DCHS2: variants seen among roughly 807,000 people sequenced by gnomAD.
The protein encoded by DCHS2 is dachsous cadherin-related 2, also known as protocadherin-23.
A neutral mutation model predicts 182.4 loss-of-function variants in DCHS2; 142 were observed. The ratio of observed to expected loss-of-function variants is 0.78; its 90% CI spans 0.68 to 0.89. The LOEUF (loss-of-function observed/expected upper bound fraction) is 0.89. DCHS2 is among the 40% of genes least tolerant of loss of function. DCHS2 has a pLI of 0.00. For synonymous variants in DCHS2, 1,740 were observed against 1,663.3 expected (o/e 1.05, Z -1.12); for missense variants, 4,319 against 4,198.6 (o/e 1.03, Z -0.79).
rs200613570 is a variant in DCHS2, at chr4:154,465,508, A to C, written c.2052+23796T>G. On this transcript the variant is annotated intron_variant, in intron 1 of 19. Transcript: ENST00000357232. The stretch of plus-strand genomic sequence containing the variant: ...ACATCGTGAAACCCTGTCTCTACTA[A>C]AAATGCAAAAATTAGCCAGGCATGG... Among the ~76,000 whole-genome samples the C allele has an allele frequency of 5.3e-5, 8 of 152,200 alleles. No individual in the cohort carries two copies. The East Asian group carries it at 1.4e-3, about 26-fold the overall frequency.
chr4:154,237,432 T>A, intron 19 of DCHS2: 1 of 324,880 alleles, frequency 3.1e-6, no homozygotes, highest in Non-Finnish European at 5.2e-6. Flanking sequence ...CTGAATTTTG[T>A]TTTTGTATAG....
chr4:154,237,071 A>G lies in DCHS2; in HGVS notation c.7581T>C (p.Pro2527=). The G allele has an allele frequency of 6.2e-7, 1 of 1,613,930 alleles. No homozygotes were observed. Among genetic ancestry groups the G allele is most frequent in the South Asian group, 1.1e-5 (1 of 91,074 alleles). ...FLVEASDGGN[P]DLRALTLVEI... is the part of the protein sequence containing the mutation. Reference sequence around the variant, plus strand: ...CCACTAAAGTAAGAGCTCTCAGGTCAGGATTTCCACCATCACTGGCTTCCA... The same window carrying G: ...CCACTAAAGTAAGAGCTCTCAGGTCGGGATTTCCACCATCACTGGCTTCCA... Residue 2527 remains proline, a synonymous_variant, in exon 20 of 20, where the codon CCT becomes CCC. Transcript: ENST00000357232.
intron 15 of DCHS2, 107 bp from the exon 16 acceptor site, chr4:154,255,777 T>C (rs905020472): frequency 3.6e-6 from 5 of 1,398,732 alleles, no homozygotes; most frequent in Non-Finnish European, 4.7e-6. Context: ...GTCAAACATA[T>C]TTTAAAAACA....
chr4:154,305,375 A>C, intron 10 of DCHS2, 144 bp from the exon 11 acceptor site: 1 of 1,113,944 alleles, frequency 9.0e-7, no homozygotes, highest in Non-Finnish European at 1.2e-6. Flanking sequence ...AGGTAAAAGA[A>C]AACCTCTTTT....
At chr4:154,402,681 A>T (rs2110875018) in intron 1 of DCHS2, among the ~76,000 whole-genome samples, 1 of 152,234 alleles carries the variant, frequency 6.6e-6, no homozygotes, top group South Asian at 2.1e-4. Context: ...GAGGGTTTGG[A>T]CTTGGACTTC....
intron 1 of DCHS2, chr4:154,384,567 A>G: frequency 3.3e-6 from 5 of 1,509,834 alleles, no homozygotes; most frequent in South Asian, 2.5e-5. Flanking sequence ...AGTAGTGAGT[A>G]CTACCTTATA....
At chr4:154,462,112 A>G (rs1333538549) in intron 1 of DCHS2, among the ~76,000 whole-genome samples, 2 of 152,186 alleles carry the variant, frequency 1.3e-5, no homozygotes, top group East Asian at 3.8e-4. Flanking sequence ...TCTCTTCAGT[A>G]CAACAAATAT....
chr4:154,317,264 T>C (rs1735898144), intron 9 of DCHS2, among the ~76,000 whole-genome samples: 1 of 152,222 alleles, frequency 6.6e-6, no homozygotes, highest in South Asian at 2.1e-4. Context: ...AAGTTTAATT[T>C]TATCCATTCT....
intron 1 of DCHS2, among the ~76,000 whole-genome samples, chr4:154,393,547 G>T (rs1731799453): frequency 6.6e-6 from 1 of 152,152 alleles, no homozygotes; most frequent in Non-Finnish European, 1.5e-5. Context: ...TGTCATAAGT[G>T]CTGCCTAAAT....
chr4:154,399,148 G>A (rs538159732), intron 1 of DCHS2, among the ~76,000 whole-genome samples: 1 of 152,300 alleles, frequency 6.6e-6, no homozygotes, highest in South Asian at 2.1e-4. Context: ...AGCTGTAAAT[G>A]CTAGACTGTC....
At position 154,489,691 on chromosome 4, in the gene DCHS2, G is replaced by A. The variant is rs1728723222; in HGVS notation, c.1665C>T (p.Gly555=). ...KASVSEAAAP[G]TVVMWVSASD... The stretch of plus-strand genomic sequence containing the variant: ...AGGCGCTGACCCACATGACTACAGT[G>A]CCAGGGGCCGCGGCCTCGGACACTG... The change falls in exon 1 of 20, where the codon GGC becomes GGT. Residue 555 remains glycine, a synonymous_variant. Coordinates refer to ENST00000357232, the MANE Select transcript of DCHS2 (RefSeq NM_001358235.2). The A allele has an allele frequency of 1.3e-6, 2 of 1,551,730 alleles. No individual in the cohort carries two copies. Among genetic ancestry groups the A allele is most frequent in the Non-Finnish European group, 8.7e-7 (1 of 1,146,994 alleles).
chr4:154,257,512 G>A (rs767325725), intron 15 of DCHS2, among the ~76,000 whole-genome samples: 1 of 152,314 alleles, frequency 6.6e-6, no homozygotes, highest in Admixed American at 6.5e-5. Flanking sequence ...GAAAGTCTGT[G>A]TGACTGAGAG....
intron 2 of DCHS2, among the ~76,000 whole-genome samples, chr4:154,376,461 A>G (rs1228684225): frequency 1.3e-5 from 2 of 151,776 alleles, no homozygotes; most frequent in African/African-American, 4.8e-5. Context: ...TATTAAAAAA[A>G]ACTGGTAAAA....
chr4:154,404,410 T>C (rs1202423321), intron 1 of DCHS2, among the ~76,000 whole-genome samples: 1 of 152,222 alleles, frequency 6.6e-6, no homozygotes, highest in Non-Finnish European at 1.5e-5. Flanking sequence ...ATCCTTTAAG[T>C]GCATTGGTAC....
chr4:154,426,839 A>T (rs1733351585), intron 1 of DCHS2, among the ~76,000 whole-genome samples: 2 of 152,022 alleles, frequency 1.3e-5, no homozygotes, highest in African/African-American at 4.8e-5. Flanking sequence ...TTATAACACA[A>T]AGAAAGGATA....
chr4:154,340,790 T>A (rs1397900014), intron 3 of DCHS2, among the ~76,000 whole-genome samples: 2 of 152,196 alleles, frequency 1.3e-5, no homozygotes, highest in Non-Finnish European at 2.9e-5. Flanking sequence ...GTTATACAAA[T>A]GTAACCTTTT....
Position 154,490,295 on chromosome 4 carries a change from G to A in DCHS2, c.1061C>T (p.Ala354Val), listed in dbSNP as rs1239499069. ...GSGGGALGDA[A>V]YFAVEELSGV... ...GCTCAGCTCCTCCACCGCGAAGTAG[G>A]CCGCGTCGCCCAGTGCCCCGCCGCC... The change falls in exon 1 of 20, where the codon GCC (alanine) becomes GTC (valine). Residue 354 changes from alanine to valine, a missense_variant. By Grantham distance (64) the Ala-to-Val change is moderately conservative (BLOSUM62 0). Transcript: ENST00000357232. 2 of 1,547,026 alleles carry A rather than the reference G, an allele frequency of 1.3e-6. No homozygotes were observed. Among genetic ancestry groups the A allele is most frequent in the African/African-American group, 1.4e-5 (1 of 73,016 alleles).
chr4:154,406,888 A>G (rs1732422916), intron 1 of DCHS2, among the ~76,000 whole-genome samples: 1 of 152,260 alleles, frequency 6.6e-6, no homozygotes, highest in Admixed American at 6.5e-5. Flanking sequence ...AAAGGAAGTT[A>G]TCAGCATCAT....
In DCHS2 at chr4:154,235,679, G is replaced by T. The variant is rs1361992869; in HGVS notation, c.8973C>A (p.Ala2991=). The change falls in exon 20 of 20, where the codon GCC becomes GCA. Residue 2991 remains alanine (A), a synonymous_variant. Transcript: ENST00000357232. ...SSEGTPLAVF[A]SSFSISLVVS... Reference sequence around the variant, plus strand: ...CCACCAGGCTGATTGAAAAGCTGCTGGCGAACACTGCCAAGGGTGTTCCTT... The same window carrying T: ...CCACCAGGCTGATTGAAAAGCTGCTTGCGAACACTGCCAAGGGTGTTCCTT... 6.2e-7 allele frequency: 1 copy of T among 1,613,960 alleles called. No homozygotes were observed. Among genetic ancestry groups the T allele is most frequent in the South Asian group, 1.1e-5 (1 of 91,048 alleles).
Sources: allele counts gnomAD v4.1 joint callset (sites outside exome capture counted in the v4.1 genomes callset), GRCh38; gene constraint gnomAD v4.1.1; transcripts MANE v1.5; gene names NCBI Gene and HGNC (gene_info 2026-07-23, HGNC 2026-07-21).